The following SLC4A7 variants were observed in gnomAD, a reference collection of about 807,000 sequenced individuals.
SLC4A7 encodes the protein solute carrier family 4 member 7, also known as sodium bicarbonate cotransporter 3.
SLC4A7 carries 51 observed loss-of-function variants against 137.6 expected under a neutral mutation model. The observed-to-expected ratio is 0.37, with a 90% CI of 0.30 to 0.47. The LOEUF is 0.47. Ranked by LOEUF, SLC4A7 falls within the 20% of genes least tolerant of loss-of-function variation. The pLI, the probability that SLC4A7 is intolerant of heterozygous loss-of-function variation, is 1.00. For missense variants in SLC4A7, 1,247 were observed against 1,525.4 expected, an observed-to-expected ratio of 0.82 and a Z score of 3.04; for synonymous variants, 542 against 518.6, an observed-to-expected ratio of 1.05 and a Z score of -0.61.
chr3:27,376,641 A>G lies in SLC4A7; in HGVS notation c.*123T>C. 5.4e-6 allele frequency: 3 copies of G among 560,654 alleles called. No homozygotes were observed. The East Asian group carries it at 1.0e-4, about 19-fold the overall frequency. 34.7% of individuals were successfully genotyped at this position (560,654 alleles called of 1,614,324 possible). A position where few individuals can be genotyped will look rare whatever the true frequency, so the allele number is the denominator to read the frequency against. On this transcript the variant is annotated 3_prime_UTR_variant, in exon 26 of 26. Coordinates refer to ENST00000454389, the MANE Select transcript of SLC4A7 (RefSeq NM_001321103.2). ...GTGCTCATTACAAACTCCAGACACT[A>G]CTTTTAAAAACCCGGTAGTCACACA...
Position 27,448,581 on chromosome 3 carries a change from C to T in SLC4A7, c.289+70G>A, listed in dbSNP as rs1243506634. The stretch of plus-strand genomic sequence containing the variant: ...ACATACAATTTTTAAAAGAAATATT[C>T]AATTAAAAGAAAATACTTTCCAGGA... On this transcript the variant is annotated intron_variant, in intron 3 of 25. Coordinates refer to ENST00000454389, the MANE Select transcript of SLC4A7 (RefSeq NM_001321103.2). The T allele has an allele frequency of 6.0e-6, 8 of 1,330,602 alleles. No individual in the cohort carries two copies. In the Admixed American group the frequency reaches 1.5e-4, roughly 25 times the overall value. The allele number at this position is 1,330,602 out of a possible 1,614,324, so 82.4% of individuals were successfully genotyped here.
intron 15 of SLC4A7, 46 bp downstream of exon 15, chr3:27,403,093 T>G (rs202081385): frequency 6.4e-7 from 1 of 1,553,358 alleles, no homozygotes; most frequent in Admixed American, 2.1e-5. Flanking sequence ...CTCTGACATC[T>G]CTGTAAAAAC....
chr3:27,416,706 C>T (rs1348770537), intron 11 of SLC4A7, among the ~76,000 whole-genome samples: 2 of 152,028 alleles, frequency 1.3e-5, no homozygotes, highest in Non-Finnish European at 1.5e-5. Flanking sequence ...TAAAAAATAA[C>T]AAATAGCCTT....
At chr3:27,440,363 T>A (rs2150435345) in intron 3 of SLC4A7, among the ~76,000 whole-genome samples, 1 of 152,228 alleles carries the variant, frequency 6.6e-6, no homozygotes, top group Admixed American at 6.5e-5. Flanking sequence ...TCGTCTGACC[T>A]CCTCTTACTA....
rs1024439969 is a variant in SLC4A7, at chr3:27,452,400, A to G, written c.142+17T>C. ...ATTATCCTACTAAGCGAAGTAAGTT[A>G]TTTTAAACCAACTTACTTTCTAGTT... On this transcript the variant is annotated intron_variant, in intron 2 of 25. Coordinates refer to ENST00000454389, the MANE Select transcript of SLC4A7 (RefSeq NM_001321103.2). 6.5e-7 allele frequency: 1 copy of G among 1,542,428 alleles called. No homozygotes were observed. Among genetic ancestry groups the G allele is most frequent in the African/African-American group, 1.4e-5 (1 of 72,898 alleles).
rs2051562761 is a variant in SLC4A7 at position 27,391,586 on chromosome 3, A to T, written c.3186+154T>A. The T allele has an allele frequency of 5.1e-6, 3 of 591,650 alleles. No homozygotes were observed. In the South Asian group the frequency reaches 6.5e-5, roughly 13 times the overall value. The allele number at this position is 591,650 out of a possible 1,614,324, so 36.7% of individuals were successfully genotyped here. A position where few individuals can be genotyped will look rare whatever the true frequency, so the allele number is the denominator to read the frequency against. The stretch of plus-strand genomic sequence containing the variant: ...GGAAAAAATGTACAGTAAGCAAACA[A>T]TCACTTGGCAAATGTCTGAAGTCAT... On this transcript the variant is annotated intron_variant, in intron 21 of 25. Transcript: ENST00000454389.
intron 18 of SLC4A7, among the ~76,000 whole-genome samples, chr3:27,395,776 G>A (rs535429840): frequency 6.6e-6 from 1 of 152,242 alleles, no homozygotes; most frequent in East Asian, 1.9e-4. Context: ...AAATTGATAA[G>A]CAAACTGGAA....
intron 1 of SLC4A7, among the ~76,000 whole-genome samples, chr3:27,458,801 C>T: frequency 6.6e-6 from 1 of 151,956 alleles, no homozygotes; most frequent in Non-Finnish European, 1.5e-5. Context: ...CCAGCCTGGC[C>T]AACGTGGTGA....
intron 9 of SLC4A7, 116 bp downstream of exon 9, chr3:27,421,506 A>C: frequency 1.2e-6 from 1 of 855,654 alleles, no homozygotes; most frequent in Non-Finnish European, 1.7e-6. Flanking sequence ...AAATAAGATA[A>C]AATTAAATAA....
Position 27,376,558 on chromosome 3 carries a change from T to G in SLC4A7, c.*206A>C, listed in dbSNP as rs1026968363. On this transcript the variant is annotated 3_prime_UTR_variant, in exon 26 of 26. Coordinates refer to ENST00000454389, the MANE Select transcript of SLC4A7 (RefSeq NM_001321103.2). ...TCTAACAGAATAAATATTTGAATAGTTAAGAACCATGTACCTCACTTCAAA... is the reference window on the plus strand; with the variant it reads ...TCTAACAGAATAAATATTTGAATAGGTAAGAACCATGTACCTCACTTCAAA... 8.4e-6 allele frequency: 3 copies of G among 355,834 alleles called. No individual in the cohort carries two copies. Among genetic ancestry groups the G allele is most frequent in the Admixed American group, 8.9e-5 (2 of 22,368 alleles). 22.0% of individuals were successfully genotyped at this position (355,834 alleles called of 1,614,324 possible).
intron 3 of SLC4A7, among the ~76,000 whole-genome samples, chr3:27,441,347 G>A (rs2150444193): frequency 6.6e-6 from 1 of 152,214 alleles, no homozygotes; most frequent in East Asian, 1.9e-4. Context: ...ATTGAGAAGT[G>A]TTCCCTCCTC....
Position 27,478,501 on chromosome 3 carries a change from G to A in SLC4A7, c.60+5566C>T, listed in dbSNP as rs544968824. 3.2e-3 allele frequency among the ~76,000 whole-genome samples: 412 copies of A among 128,442 alleles called. 3 individuals are homozygous for A. The highest frequency in any genetic ancestry group is 3.1e-3 in the Non-Finnish European group (193 of 62,692). 84.3% of individuals were successfully genotyped at this position (128,442 alleles called of 152,430 possible). On this transcript the variant is annotated intron_variant, in intron 1 of 25. Coordinates refer to ENST00000454389, the MANE Select transcript of SLC4A7 (RefSeq NM_001321103.2). Reference sequence around the variant, plus strand: ...CCACTGCACTCCTGGGCAAAAGAGCGAGACTGCCTCAAAAAAAAAAAAAAA... The same window carrying A: ...CCACTGCACTCCTGGGCAAAAGAGCAAGACTGCCTCAAAAAAAAAAAAAAA...
At chr3:27,437,297 G>A in intron 4 of SLC4A7, 91 bp downstream of exon 4, 1 of 730,946 alleles carries the variant, frequency 1.4e-6, no homozygotes, top group Non-Finnish European at 2.0e-6. Flanking sequence ...GTTGCAGTGA[G>A]CCCAGATCGC....
rs779622249 is a variant in SLC4A7, at chr3:27,454,967, C to CT, written c.61-2470dup. Among the ~76,000 whole-genome samples, 6 of 151,668 alleles carry CT rather than the reference C, an allele frequency of 4.0e-5. No individual in the cohort carries two copies. In the East Asian group the frequency reaches 1.2e-3, roughly 29 times the overall value. ...CACATACCCTTTGACCTCTAAATAT[C>CT]TATCATAGATAAATGCTCCCACATG... On this transcript the variant is annotated intron_variant, in intron 1 of 25. Transcript: ENST00000454389.
chr3:27,404,994 C>A, intron 13 of SLC4A7, 31 bp from the exon 14 acceptor site: 2 of 1,505,476 alleles, frequency 1.3e-6, no homozygotes, highest in Non-Finnish European at 1.8e-6. Context: ...TGAATAAAAG[C>A]AATACATCAT....
At chr3:27,385,504 T>C (rs2050845191) in intron 23 of SLC4A7, among the ~76,000 whole-genome samples, 1 of 152,218 alleles carries the variant, frequency 6.6e-6, no homozygotes, top group African/African-American at 2.4e-5. Context: ...ATGTTAAATG[T>C]ATTTAAAGTT....
At chr3:27,458,763 G>A (rs1027932425) in intron 1 of SLC4A7, among the ~76,000 whole-genome samples, 3 of 152,134 alleles carry the variant, frequency 2.0e-5, no homozygotes, top group Admixed American at 1.3e-4. Context: ...GGCCGAGGTG[G>A]GCAGATTACC....
chr3:27,461,638 G>T (rs558334755), intron 1 of SLC4A7, among the ~76,000 whole-genome samples: 17 of 151,130 alleles, frequency 1.1e-4, no homozygotes, highest in Non-Finnish European at 2.4e-4. Flanking sequence ...AAATAAAAAG[G>T]AAAAATGGTA....
chr3:27,453,847 A>C (rs958666108), intron 1 of SLC4A7, among the ~76,000 whole-genome samples: 6 of 152,262 alleles, frequency 3.9e-5, no homozygotes, highest in Admixed American at 1.3e-4. Context: ...CTAGATATCC[A>C]AACTGTAAAT....
Sources: gnomAD v4.1 joint callset for allele counts (sites outside exome capture counted in the v4.1 genomes callset) on GRCh38, gnomAD v4.1.1 for gene constraint, MANE v1.5 for transcripts, NCBI Gene and HGNC (gene_info 2026-07-23, HGNC 2026-07-21) for gene names.